RNF150: variants seen among roughly 807,000 people sequenced by gnomAD.
The protein encoded by RNF150 is ring finger protein 150.
Under a neutral mutation model 39.3 loss-of-function variants are expected in RNF150, and 24 were observed. The ratio of observed to expected loss-of-function variants is 0.61; its 90% CI spans 0.44 to 0.86. RNF150 has a LOEUF of 0.86. RNF150 is among the 40% of genes least tolerant of loss of function. RNF150 has a pLI of 0.00. For missense variants in RNF150, 502 were observed against 587.8 expected, an observed-to-expected ratio of 0.85 and a Z score of 1.51; for synonymous variants, 255 against 227.3, an observed-to-expected ratio of 1.12 and a Z score of -1.10.
At chr4:140,963,773 T>C (rs934596953) in intron 2 of RNF150, among the ~76,000 whole-genome samples, 1 of 152,040 alleles carries the variant, frequency 6.6e-6, no homozygotes, top group Non-Finnish European at 1.5e-5. Context: ...TTTATTTTAA[T>C]AGATCTAAAG....
At chr4:141,184,252 T>C (rs926443958) in intron 1 of RNF150, among the ~76,000 whole-genome samples, 5 of 152,250 alleles carry the variant, frequency 3.3e-5, no homozygotes, top group African/African-American at 4.8e-5. Flanking sequence ...ATTTCTCTAA[T>C]GACCAGTAAT....
intron 1 of RNF150, among the ~76,000 whole-genome samples, chr4:140,981,836 C>G (rs567244940): frequency 6.6e-6 from 1 of 152,260 alleles, no homozygotes; most frequent in East Asian, 1.9e-4. Flanking sequence ...GCATTCTGCT[C>G]GAAGTCTTTT....
chr4:141,203,615 G>A (rs1728324536), intron 1 of RNF150, among the ~76,000 whole-genome samples: 1 of 151,796 alleles, frequency 6.6e-6, no homozygotes, highest in South Asian at 2.1e-4. Context: ...CAACCTTCCT[G>A]TAATTTTCAG....
intron 4 of RNF150, among the ~76,000 whole-genome samples, chr4:140,945,603 CATATATATACTACATAT>C (rs1732272059): frequency 2.8e-5 from 1 of 36,318 alleles, no homozygotes; most frequent in Non-Finnish European, 9.9e-5. Context: ...TACATATATA[CATATATATACTACATAT>C]ATATACTACA....
At chr4:140,923,791 AT>A (rs1367812081) in intron 5 of RNF150, among the ~76,000 whole-genome samples, 11 of 152,244 alleles carry the variant, frequency 7.2e-5, no homozygotes, top group Non-Finnish European at 1.3e-4. Flanking sequence ...CTATGCAGCC[AT>A]AAAAAATGAT....
chr4:140,883,908 C>G (rs748898251), intron 6 of RNF150, among the ~76,000 whole-genome samples: 3 of 152,132 alleles, frequency 2.0e-5, no homozygotes, highest in Non-Finnish European at 2.9e-5. Context: ...TTAGAACTCT[C>G]ATGATGCACA....
intron 1 of RNF150, among the ~76,000 whole-genome samples, chr4:140,968,684 C>T (rs1302140491): frequency 2.0e-5 from 3 of 151,716 alleles, no homozygotes; most frequent in Non-Finnish European, 4.4e-5. Context: ...TATTAGACAG[C>T]TTGGAGCAAA....
chr4:140,945,897 T>A (rs1236444473), intron 4 of RNF150, among the ~76,000 whole-genome samples: 1 of 152,110 alleles, frequency 6.6e-6, no homozygotes, highest in Non-Finnish European at 1.5e-5. Flanking sequence ...GCACTTTGCT[T>A]ATATCTAAGA....
intron 1 of RNF150, among the ~76,000 whole-genome samples, chr4:141,126,227 C>T (rs1277848974): frequency 6.6e-6 from 1 of 152,116 alleles, no homozygotes; most frequent in African/African-American, 2.4e-5. Flanking sequence ...AACTGAGGCT[C>T]TTAAAAAACA....
Position 140,891,563 on chromosome 4 carries a change from T to C in RNF150, c.1198+19581A>G, listed in dbSNP as rs112926558. ...AACTCCTCCATTCCTCCCCCTCCTT[T>C]AGCATTTAGCACAGTTGTCCTTCCG... On this transcript the variant is annotated intron_variant, in intron 6 of 6. Transcript: ENST00000515673. Among the ~76,000 whole-genome samples the C allele has an allele frequency of 3.1e-3, 473 of 152,296 alleles. 4 individuals carry two copies. Among genetic ancestry groups the C allele is most frequent in the African/African-American group, 0.011 (451 of 41,550 alleles).
chr4:141,097,764 G>T (rs1420288176), intron 1 of RNF150, among the ~76,000 whole-genome samples: 1 of 151,502 alleles, frequency 6.6e-6, no homozygotes, highest in African/African-American at 2.4e-5. Context: ...TATATTTTTA[G>T]ATGTTTTTCT....
At chr4:141,140,878 T>C (rs1727107516) in intron 1 of RNF150, among the ~76,000 whole-genome samples, 1 of 152,236 alleles carries the variant, frequency 6.6e-6, no homozygotes, top group Non-Finnish European at 1.5e-5. Context: ...AACAGCAATC[T>C]AGGACAATTG....
At chr4:140,954,001 G>A (rs540458004) in intron 2 of RNF150, among the ~76,000 whole-genome samples, 16 of 152,214 alleles carry the variant, frequency 1.1e-4, no homozygotes, top group Admixed American at 5.2e-4. Flanking sequence ...GATTGGAACC[G>A]GAAGTCTATT....
At chr4:141,210,018 G>C (rs950465107) in intron 1 of RNF150, among the ~76,000 whole-genome samples, 3 of 150,818 alleles carry the variant, frequency 2.0e-5, no homozygotes, top group Non-Finnish European at 2.9e-5. Flanking sequence ...TAAAGAGATA[G>C]AAAGTAGAAC....
intron 1 of RNF150, among the ~76,000 whole-genome samples, chr4:141,037,580 A>G (rs954393319): frequency 3.3e-5 from 5 of 152,206 alleles, no homozygotes; most frequent in African/African-American, 1.2e-4. Context: ...ATAAAATAAT[A>G]TCATTTATTT....
intron 6 of RNF150, among the ~76,000 whole-genome samples, chr4:140,903,259 A>G (rs1472435064): frequency 6.6e-6 from 1 of 152,166 alleles, no homozygotes; most frequent in African/African-American, 2.4e-5. Context: ...AGTAGCTCCA[A>G]TAATGTTCTA....
chr4:141,141,917 A>C (rs1727123897), intron 1 of RNF150, among the ~76,000 whole-genome samples: 1 of 152,248 alleles, frequency 6.6e-6, no homozygotes, highest in African/African-American at 2.4e-5. Flanking sequence ...TGGGGTGACA[A>C]AAGTTAAGGA....
intron 1 of RNF150, among the ~76,000 whole-genome samples, chr4:141,140,041 G>A (rs10016770): frequency 0.074 from 11,320 of 152,088 alleles, 1,271 homozygotes; most frequent in African/African-American, 0.24. Context: ...GGTGGGGCGC[G>A]TTGCTTCTCT....
intron 1 of RNF150, among the ~76,000 whole-genome samples, chr4:141,162,457 A>C (rs1727531783): frequency 6.6e-6 from 1 of 152,040 alleles, no homozygotes; most frequent in Non-Finnish European, 1.5e-5. Flanking sequence ...CTCAGATGAG[A>C]CTTTGGACTT....
Sources: allele counts gnomAD v4.1 joint callset (sites outside exome capture counted in the v4.1 genomes callset), GRCh38; gene constraint gnomAD v4.1.1; transcripts MANE v1.5; gene names NCBI Gene and HGNC (gene_info 2026-07-23, HGNC 2026-07-21).